Variants in KCNN2 observed in about 807,000 individuals in gnomAD.
KCNN2 encodes the protein small conductance calcium-activated potassium channel protein 2.
In KCNN2, 24 loss-of-function variants were observed where a neutral mutation model predicts 55.5. The ratio of observed to expected loss-of-function variants is 0.43; its 90% confidence interval spans 0.31 to 0.61. KCNN2 has a LOEUF of 0.61. Ranked by LOEUF, KCNN2 falls within the 20% of genes least tolerant of loss-of-function variation. The probability of loss-of-function intolerance (pLI) is 0.08; values close to 1 mark genes in which losing one functional copy is unlikely to be tolerated. For missense variants in KCNN2, 754 were observed against 853.6 expected, an observed-to-expected ratio of 0.88 and a Z score of 1.45; for synonymous variants, 431 against 336.1, an observed-to-expected ratio of 1.28 and a Z score of -3.09.
At chr5:114,095,132 G>A (rs1171145330) in intron 1 of KCNN2, among the ~76,000 whole-genome samples, 4 of 151,956 alleles carry the variant, frequency 2.6e-5, no homozygotes, top group Non-Finnish European at 4.4e-5. Context: ...CTTTATAACA[G>A]TGTTGTTTTA....
At chr5:114,119,350 G>A (rs1751781554) in intron 1 of KCNN2, among the ~76,000 whole-genome samples, 1 of 152,150 alleles carries the variant, frequency 6.6e-6, no homozygotes, top group Non-Finnish European at 1.5e-5. Context: ...GGGAAGTATT[G>A]GGAATGGTCT....
At chr5:114,477,074 A>C (rs947858834) in intron 5 of KCNN2, among the ~76,000 whole-genome samples, 1 of 152,244 alleles carries the variant, frequency 6.6e-6, no homozygotes, top group Non-Finnish European at 1.5e-5. Flanking sequence ...CCTAGTAACT[A>C]AGATACAAAC....
chr5:114,272,355 TACC>T (rs5870591), intron 2 of KCNN2, among the ~76,000 whole-genome samples: 109,170 of 127,812 alleles, frequency 0.85, 50,167 homozygotes, highest in East Asian at 0.96. Context: ...TGTATGTACA[TACC>T]ATATACACAC....
chr5:114,379,504 A>G, intron 2 of KCNN2, among the ~76,000 whole-genome samples: 1 of 110,746 alleles, frequency 9.0e-6, no homozygotes, highest in Admixed American at 9.6e-5. Context: ...ATAACATATT[A>G]TATATTTATA....
intron 2 of KCNN2, among the ~76,000 whole-genome samples, chr5:114,323,884 T>C (rs570381789): frequency 3.6e-4 from 55 of 152,066 alleles, no homozygotes; most frequent in African/African-American, 1.2e-3. Flanking sequence ...CTTGACCTCA[T>C]GATATGCCCG....
At chr5:114,316,998 G>A (rs1756514119) in intron 2 of KCNN2, among the ~76,000 whole-genome samples, 1 of 152,202 alleles carries the variant, frequency 6.6e-6, no homozygotes, top group Non-Finnish European at 1.5e-5. Flanking sequence ...TTTGAGATCA[G>A]CAAGTGCTTT....
intron 2 of KCNN2, among the ~76,000 whole-genome samples, chr5:114,226,614 A>G (rs1193521198): frequency 6.6e-6 from 1 of 152,152 alleles, no homozygotes; most frequent in Non-Finnish European, 1.5e-5. Context: ...TCATGTAAAG[A>G]AATATTGGCT....
chr5:114,204,444 C>G (rs1239308199), intron 1 of KCNN2, among the ~76,000 whole-genome samples: 1 of 152,134 alleles, frequency 6.6e-6, no homozygotes, highest in Non-Finnish European at 1.5e-5. Context: ...AGCCAAGTGA[C>G]TTGTCCAGAA....
At chr5:114,229,232 T>C (rs1423814988) in intron 2 of KCNN2, among the ~76,000 whole-genome samples, 1 of 151,806 alleles carries the variant, frequency 6.6e-6, no homozygotes, top group Non-Finnish European at 1.5e-5. Flanking sequence ...TTCTGGAAAA[T>C]GTGTCTATCT....
intron 2 of KCNN2, among the ~76,000 whole-genome samples, chr5:114,391,306 T>G (rs1285557796): frequency 1.3e-5 from 2 of 152,168 alleles, no homozygotes; most frequent in African/African-American, 4.8e-5. Flanking sequence ...TAATACTTAT[T>G]CATTTGGTCA....
At chr5:114,084,086 G>C (rs1750961035) in intron 1 of KCNN2, among the ~76,000 whole-genome samples, 1 of 152,048 alleles carries the variant, frequency 6.6e-6, no homozygotes, top group Admixed American at 6.6e-5. Context: ...CTTTTTGAAG[G>C]ATATCTTAGT....
intron 2 of KCNN2, among the ~76,000 whole-genome samples, chr5:114,339,323 A>G (rs1373852021): frequency 6.6e-6 from 1 of 152,186 alleles, no homozygotes; most frequent in African/African-American, 2.4e-5. Context: ...CACCCTTGCT[A>G]GATAATGCAG....
At chr5:114,435,545 G>C (rs1759973920) in intron 3 of KCNN2, among the ~76,000 whole-genome samples, 1 of 151,774 alleles carries the variant, frequency 6.6e-6, no homozygotes, top group Non-Finnish European at 1.5e-5. Context: ...AACTCCTTTT[G>C]AAAGCAGGAG....
chr5:114,439,535 G>A (rs1019127438), intron 3 of KCNN2, among the ~76,000 whole-genome samples: 3 of 152,024 alleles, frequency 2.0e-5, no homozygotes, highest in Admixed American at 6.6e-5. Flanking sequence ...TATATGCCAG[G>A]GTCCCACCCT....
In KCNN2 at chr5:114,242,234, C is replaced by A. The variant is rs1754660365; in HGVS notation, c.-185+20669C>A. On this transcript the variant is annotated intron_variant, in intron 2 of 10. Coordinates refer to the KCNN2 transcript ENST00000512097. Reference sequence around the variant, plus strand: ...TATGCAAACATCCTTGTAAAGAGTGCAGAACAAAGGCAGTCAGTGCCTCTG... The same window carrying A: ...TATGCAAACATCCTTGTAAAGAGTGAAGAACAAAGGCAGTCAGTGCCTCTG... Among the ~76,000 whole-genome samples, 3 of 151,968 alleles carry A rather than the reference C, an allele frequency of 2.0e-5. No homozygotes were observed. In the South Asian group the frequency reaches 6.2e-4, roughly 32 times the overall value.
chr5:114,134,441 C>A (rs1752129333), intron 1 of KCNN2, among the ~76,000 whole-genome samples: 1 of 148,920 alleles, frequency 6.7e-6, no homozygotes, highest in African/African-American at 2.5e-5. Flanking sequence ...AATACTTTAA[C>A]TTTGCAATCC....
At chr5:114,112,575 A>T (rs1751621939) in intron 1 of KCNN2, among the ~76,000 whole-genome samples, 1 of 152,054 alleles carries the variant, frequency 6.6e-6, no homozygotes. Flanking sequence ...ATTTATGGTG[A>T]CTTTGGGCCT....
At chr5:114,366,072 T>C (rs1331765376) in intron 2 of KCNN2, among the ~76,000 whole-genome samples, 2 of 152,224 alleles carry the variant, frequency 1.3e-5, no homozygotes, top group Non-Finnish European at 1.5e-5. Flanking sequence ...GATGTCATAT[T>C]AGAACGCTTA....
At chr5:114,278,283 C>T (rs576376234) in intron 2 of KCNN2, among the ~76,000 whole-genome samples, 1 of 152,140 alleles carries the variant, frequency 6.6e-6, no homozygotes, top group Non-Finnish European at 1.5e-5. Flanking sequence ...TAGGTGTCTC[C>T]CAGTCAGGCT....
Sources: allele counts gnomAD v4.1 joint callset (sites outside exome capture counted in the v4.1 genomes callset), GRCh38; gene constraint gnomAD v4.1.1; transcripts MANE v1.5; gene names NCBI Gene and HGNC (gene_info 2026-07-23, HGNC 2026-07-21).